The following ARID1B variants were observed in gnomAD, a reference collection of about 807,000 sequenced individuals.
The protein encoded by ARID1B is AT-rich interaction domain 1B.
A neutral mutation model predicts 212.3 loss-of-function variants in ARID1B; 30 were observed. The observed-to-expected ratio is 0.14, with a 90% CI of 0.11 to 0.19. ARID1B has a LOEUF of 0.19. Among genes scored for constraint, ARID1B ranks in the 10% least tolerant of loss-of-function variants. The pLI is 1.00. For synonymous variants in ARID1B, 1,402 were observed against 1,301.7 expected, an observed-to-expected ratio of 1.08 and a Z score of -1.66; for missense variants, 2,891 against 3,204.0, an observed-to-expected ratio of 0.90 and a Z score of 2.36.
At chr6:156,831,199 A>T (rs1018660757) in intron 2 of ARID1B, among the ~76,000 whole-genome samples, 1 of 152,234 alleles carries the variant, frequency 6.6e-6, no homozygotes, top group Non-Finnish European at 1.5e-5. Context: ...TGAGAGGAAG[A>T]CAGCCCAGGC....
intron 5 of ARID1B, among the ~76,000 whole-genome samples, chr6:157,087,072 C>G (rs1036765975): frequency 1.3e-4 from 20 of 152,182 alleles, no homozygotes; most frequent in African/African-American, 4.8e-4. Context: ...TCCAAGTCAG[C>G]TCCTCTGTAG....
intron 4 of ARID1B, among the ~76,000 whole-genome samples, chr6:156,958,652 C>A (rs1032189417): frequency 7.9e-5 from 12 of 152,150 alleles, no homozygotes; most frequent in Middle Eastern, 3.2e-3. Flanking sequence ...TTAAGTATTT[C>A]TTTTGAATAA....
At chr6:156,873,286 A>T (rs1298514346) in intron 2 of ARID1B, among the ~76,000 whole-genome samples, 1 of 152,206 alleles carries the variant, frequency 6.6e-6, no homozygotes, top group Non-Finnish European at 1.5e-5. Context: ...ATGATTGGAA[A>T]GTTCTGGATT....
rs925651033 is a variant in ARID1B at position 157,203,952 on chromosome 6, C to T, written c.5350C>T (p.Leu1784Phe). Residue 1784 changes from leucine (L) to phenylalanine (F), a missense_variant, in exon 19 of 20, where the codon CTT becomes TTT. Physicochemically the swap from Leu to Phe is conservative, Grantham distance 22. Transcript: ENST00000636930. The surrounding 1 kb of genome is among the most constrained non-coding windows in gnomAD (Gnocchi z 4.4). Reference sequence around the variant, plus strand: ...GTGGGCTTTGGACACTATTAATATTCTTCTGTATGATGACAGCACTGTTGC... The same window carrying T: ...GTGGGCTTTGGACACTATTAATATTTTTCTGTATGATGACAGCACTGTTGC... ...STWALDTINI[L>F]LYDDSTVATF... The T allele has an allele frequency of 1.2e-6, 2 of 1,614,142 alleles. No homozygotes were observed. The highest frequency in any genetic ancestry group is 1.7e-6 in the Non-Finnish European group (2 of 1,179,994).
At chr6:156,810,489 C>T (rs955984944) in intron 1 of ARID1B, among the ~76,000 whole-genome samples, 9 of 152,136 alleles carry the variant, frequency 5.9e-5, no homozygotes, top group African/African-American at 2.2e-4. Flanking sequence ...GGGGTGTTCT[C>T]CTTTGGTTTG....
At position 157,208,264 on chromosome 6, in the gene ARID1B, A is replaced by G. The variant is rs1171992891; in HGVS notation, c.*373A>G. 4.1e-6 allele frequency: 1 copy of G among 241,170 alleles called. No individual in the cohort carries two copies. The highest frequency in any genetic ancestry group is 8.1e-6 in the Non-Finnish European group (1 of 123,760). The allele number at this position is 241,170 out of a possible 1,614,324, so 14.9% of individuals were successfully genotyped here. A position where few individuals can be genotyped will look rare whatever the true frequency, so the allele number is the denominator to read the frequency against. On this transcript the variant is annotated 3_prime_UTR_variant, in exon 20 of 20. Coordinates refer to ENST00000636930, the MANE Select transcript of ARID1B (RefSeq NM_001374828.1). Reference sequence around the variant, plus strand: ...TTAAAGAAAAAAGTTGTGGCAAAAGATGCTAAGATGCGAAAATTTCACCAC... The same window carrying G: ...TTAAAGAAAAAAGTTGTGGCAAAAGGTGCTAAGATGCGAAAATTTCACCAC...
At chr6:156,804,487 G>A (rs1485879228) in intron 1 of ARID1B, among the ~76,000 whole-genome samples, 1 of 152,176 alleles carries the variant, frequency 6.6e-6, no homozygotes, top group Admixed American at 6.5e-5. Flanking sequence ...AAAGGAAAGA[G>A]GTTTAGTTGA....
intron 2 of ARID1B, among the ~76,000 whole-genome samples, chr6:156,886,798 T>C (rs1388694763): frequency 6.6e-6 from 1 of 152,246 alleles, no homozygotes; most frequent in African/African-American, 2.4e-5. Flanking sequence ...AGGGAATGGA[T>C]ACATATTTTT....
At chr6:157,175,788 T>G (rs1792058837) in intron 11 of ARID1B, 1 of 151,888 alleles carries the variant, frequency 6.6e-6, no homozygotes, top group African/African-American at 2.4e-5. Context: ...AAAGAAATTC[T>G]GTACCATTAG....
intron 5 of ARID1B, among the ~76,000 whole-genome samples, chr6:157,098,415 C>T (rs531452554): frequency 6.6e-6 from 1 of 152,328 alleles, no homozygotes; most frequent in African/African-American, 2.4e-5. Context: ...TTTCCCTCCA[C>T]AAGTGGGTTT....
At chr6:156,844,222 G>A (rs1464635898) in intron 2 of ARID1B, among the ~76,000 whole-genome samples, 1 of 152,200 alleles carries the variant, frequency 6.6e-6, no homozygotes, top group Non-Finnish European at 1.5e-5. Flanking sequence ...CAGGGCTGCC[G>A]CTTACAGGCT....
At chr6:157,032,411 G>C (rs1280344292) in intron 4 of ARID1B, among the ~76,000 whole-genome samples, 1 of 151,906 alleles carries the variant, frequency 6.6e-6, no homozygotes, top group Non-Finnish European at 1.5e-5. Flanking sequence ...ATATATAAAT[G>C]GTAGATCACA....
At chr6:157,019,502 T>A (rs995845176) in intron 4 of ARID1B, among the ~76,000 whole-genome samples, 6 of 152,232 alleles carry the variant, frequency 3.9e-5, no homozygotes, top group Middle Eastern at 3.2e-3. Context: ...TAGTTCTGTT[T>A]AGTGTTACCT....
chr6:156,784,926 A>C (rs1311663484), intron 1 of ARID1B, among the ~76,000 whole-genome samples: 1 of 151,994 alleles, frequency 6.6e-6, no homozygotes, highest in Non-Finnish European at 1.5e-5. Context: ...CACCTGGCTA[A>C]TTTTTGTATT....
chr6:156,790,487 G>T (rs1444819603), intron 1 of ARID1B, among the ~76,000 whole-genome samples: 10 of 152,176 alleles, frequency 6.6e-5, no homozygotes, highest in Non-Finnish European at 2.9e-5. Flanking sequence ...TCTGAATTTT[G>T]AGTTGAAGGA....
chr6:157,141,561 C>T (rs1583387527), intron 7 of ARID1B, among the ~76,000 whole-genome samples: 1 of 152,086 alleles, frequency 6.6e-6, no homozygotes, highest in African/African-American at 2.4e-5. Flanking sequence ...ATTTCTCTGG[C>T]TGAAAGAGCA....
Position 157,201,504 on chromosome 6 carries a change from C to A in ARID1B, c.5263+16C>A, listed in dbSNP as rs1338029912. 2.0e-6 allele frequency: 3 copies of A among 1,492,148 alleles called. No homozygotes were observed. The highest frequency in any genetic ancestry group is 2.8e-5 in the African/African-American group (2 of 71,190). The allele number at this position is 1,492,148 out of a possible 1,614,324, so 92.4% of individuals were successfully genotyped here. A position where few individuals can be genotyped will look rare whatever the true frequency, so the allele number is the denominator to read the frequency against. ...AAAGATATCGGTAAGAATTCCAAAG[C>A]TTTCATTCTGAAATGAATTCCAGTT... On this transcript the variant is annotated intron_variant, in intron 18 of 19. Transcript: ENST00000636930. This position sits in a 1 kb window ranked among gnomAD's most constrained non-coding sequence, Gnocchi z 5.2.
rs757338217 is a variant in ARID1B, at chr6:156,861,091, G to A, written c.1986+31670G>A. Among the ~76,000 whole-genome samples the A allele has an allele frequency of 2.6e-4, 40 of 152,322 alleles. 1 individual carries two copies. The highest frequency in any genetic ancestry group is 4.6e-4 in the Admixed American group (7 of 15,308). On this transcript the variant is annotated intron_variant, in intron 2 of 19. Transcript: ENST00000636930. Reference sequence around the variant, plus strand: ...GAGCCGAGACGGAGAGGTACTGGTTGTATGAAAGGTAGACAGAGGAGCCTT... The same window carrying A: ...GAGCCGAGACGGAGAGGTACTGGTTATATGAAAGGTAGACAGAGGAGCCTT...
intron 4 of ARID1B, among the ~76,000 whole-genome samples, chr6:157,001,956 C>T (rs1229935262): frequency 3.9e-5 from 6 of 152,164 alleles, no homozygotes; most frequent in Admixed American, 6.5e-5. Flanking sequence ...AGAGGTGCCT[C>T]GTATTATTGA....
Sources: gnomAD v4.1 joint callset for allele counts (sites outside exome capture counted in the v4.1 genomes callset) on GRCh38, gnomAD v4.1.1 for gene constraint, Gnocchi (gnomAD v3.1) non-coding constraint, MANE v1.5 for transcripts, NCBI Gene and HGNC (gene_info 2026-07-23, HGNC 2026-07-21) for gene names.